NARS1: variants seen among roughly 807,000 people sequenced by gnomAD.
The protein encoded by NARS1 is asparagine--tRNA ligase, cytoplasmic.
In NARS1, 65 loss-of-function variants were observed where a neutral mutation model predicts 79.2. The ratio of observed to expected loss-of-function variants is 0.82; its 90% CI spans 0.67 to 1.01. NARS1 has a LOEUF of 1.01. Among genes scored for constraint, NARS1 ranks in the 50% least tolerant of loss-of-function variants. The pLI, the probability that NARS1 is intolerant of heterozygous loss-of-function variation, is 0.00. For synonymous variants in NARS1, 229 were observed against 238.8 expected, an observed-to-expected ratio of 0.96 and a Z score of 0.38; for missense variants, 649 against 673.8, an observed-to-expected ratio of 0.96 and a Z score of 0.41.
intron 4 of NARS1, among the ~76,000 whole-genome samples, chr18:57,614,096 G>A (rs2051627671): frequency 6.6e-6 from 1 of 152,150 alleles, no homozygotes; most frequent in African/African-American, 2.4e-5. Flanking sequence ...GCTTTTGTTT[G>A]GGGGATGAAG....
chr18:57,615,159 C>A (rs896867443), intron 4 of NARS1, among the ~76,000 whole-genome samples: 5 of 151,522 alleles, frequency 3.3e-5, no homozygotes, highest in Non-Finnish European at 2.9e-5. Context: ...CAGAGCAAGA[C>A]CCTGTCTCAA....
At position 57,606,690 on chromosome 18, in the gene NARS1, C is replaced by G. The variant is rs1452955156; in HGVS notation, c.1063G>C (p.Glu355Gln). The change falls in exon 10 of 14, where the codon GAG becomes CAG. Residue 355 changes from glutamate to glutamine, a missense_variant. By Grantham distance (29) the Glu-to-Gln change is conservative. Coordinates refer to ENST00000256854, the MANE Select transcript of NARS1 (RefSeq NM_004539.4). ...TCTACCACATCACAAACCAAGTCCT[C>G]CAACCGGTTCAGGAGGTCGTCAAAA... ...LTFDDLLNRL[E>Q]DLVCDVVDRI... 2 of 1,614,148 alleles carry G rather than the reference C, an allele frequency of 1.2e-6. No homozygotes were observed. The highest frequency in any genetic ancestry group is 2.7e-5 in the African/African-American group (2 of 75,034).
intron 11 of NARS1, among the ~76,000 whole-genome samples, chr18:57,603,547 AGAT>A (rs1328058986): frequency 1.3e-5 from 2 of 152,264 alleles, no homozygotes; most frequent in Non-Finnish European, 2.9e-5. Context: ...AAACAATGTT[AGAT>A]GATGACTTAA....
intron 7 of NARS1, among the ~76,000 whole-genome samples, chr18:57,608,253 A>G (rs1237944554): frequency 1.3e-5 from 2 of 151,954 alleles, no homozygotes; most frequent in East Asian, 2.0e-4. Context: ...AATCAAGACC[A>G]TCCTGGCCAA....
At chr18:57,618,616 AC>A (rs1180119276) in intron 2 of NARS1, among the ~76,000 whole-genome samples, 1 of 151,964 alleles carries the variant, frequency 6.6e-6, no homozygotes, top group South Asian at 2.1e-4. Context: ...AAAAAGTAAA[AC>A]CCAGCCAGGA....
intron 2 of NARS1, among the ~76,000 whole-genome samples, chr18:57,619,940 G>A (rs557867973): frequency 2.6e-5 from 4 of 151,984 alleles, no homozygotes; most frequent in South Asian, 2.1e-4. Flanking sequence ...CACCTGCCCC[G>A]GCCTCCCAAA....
Position 57,609,447 on chromosome 18 carries a change from T to C in NARS1, c.493-4A>G. ...GAACTCCATTGTAGCACTGACACTA[T>C]AAAAAGGTCAAAGCTCAAATTTAGT... On this transcript the variant is annotated splice_region_variant and splice_polypyrimidine_tract_variant and intron_variant, in intron 6 of 13. Coordinates refer to ENST00000256854, the MANE Select transcript of NARS1 (RefSeq NM_004539.4). 6.2e-7 allele frequency: 1 copy of C among 1,611,436 alleles called. No homozygotes were observed. The highest frequency in any genetic ancestry group is 8.5e-7 in the Non-Finnish European group (1 of 1,178,590).
intron 4 of NARS1, among the ~76,000 whole-genome samples, chr18:57,614,311 G>A (rs2051629338): frequency 6.6e-6 from 1 of 152,012 alleles, no homozygotes. Flanking sequence ...GACTAGTCTG[G>A]CCAACACGGT....
chr18:57,617,643 G>A (rs763532951), intron 2 of NARS1, among the ~76,000 whole-genome samples: 13 of 150,558 alleles, frequency 8.6e-5, no homozygotes, highest in Non-Finnish European at 1.5e-4. Context: ...AGGGCTGGGC[G>A]TGGTGGCTCA....
intron 2 of NARS1, among the ~76,000 whole-genome samples, chr18:57,616,948 C>CAAAAAAA (rs59363506): frequency 5.5e-5 from 4 of 72,802 alleles, no homozygotes; most frequent in African/African-American, 1.9e-4. Flanking sequence ...GACTCTGTCT[C>CAAAAAAA]AAAAAAAAAA....
chr18:57,611,489 T>C (rs2051604213), intron 6 of NARS1, 148 bp downstream of exon 6: 1 of 529,830 alleles, frequency 1.9e-6, no homozygotes, highest in African/African-American at 2.1e-5. Flanking sequence ...CAAATAAAAA[T>C]TGCATGTTTA....
chr18:57,605,817 C>T (rs1004508957), intron 11 of NARS1, 40 bp downstream of exon 11: 3 of 1,369,070 alleles, frequency 2.2e-6, no homozygotes, highest in Non-Finnish European at 3.1e-6. Flanking sequence ...AATTGGAGCC[C>T]AATCCCACCT....
chr18:57,620,624 C>T lies in NARS1; in HGVS notation c.38G>A (p.Gly13Glu), dbSNP rs1418449713. The T allele has an allele frequency of 6.2e-7, 1 of 1,613,844 alleles. No homozygotes were observed. Among genetic ancestry groups the T allele is most frequent in the Admixed American group, 1.7e-5 (1 of 59,946 alleles). Residue 13 changes from glycine (G) to glutamate (E), a missense_variant, in exon 2 of 14, where the codon GGA (glycine) becomes GAA (glutamate). Coordinates refer to ENST00000256854, the MANE Select transcript of NARS1 (RefSeq NM_004539.4). ...LAELYVSDREGSDATGDGTKE... is the reference protein window; with the variant it reads ...LAELYVSDREESDATGDGTKE... ...GGTTCCATCTCCCGTGGCATCGCTT[C>T]CCTCTCGGTCAGAGACGTACAGCTC...
chr18:57,601,853 A>T (rs1480532956), intron 13 of NARS1, 70 bp from the exon 14 acceptor site: 3 of 1,538,384 alleles, frequency 2.0e-6, no homozygotes, highest in Non-Finnish European at 2.7e-6. Context: ...AGACAGTTAA[A>T]ATTTTCCACC....
intron 5 of NARS1, among the ~76,000 whole-genome samples, chr18:57,612,366 CTTAT>C (rs1568165152): frequency 4.6e-5 from 7 of 152,148 alleles, no homozygotes; most frequent in Non-Finnish European, 1.5e-5. Flanking sequence ...ATCACTTTTT[CTTAT>C]TTATGTCCTA....
At position 57,615,813 on chromosome 18, in the gene NARS1, T is replaced by A; in HGVS notation, c.252+4A>T. The A allele has an allele frequency of 6.2e-7, 1 of 1,611,990 alleles. No homozygotes were observed. Among genetic ancestry groups the A allele is most frequent in the African/African-American group, 1.3e-5 (1 of 74,880 alleles). On this transcript the variant is annotated splice_donor_region_variant and intron_variant, in intron 3 of 13. Coordinates refer to ENST00000256854, the MANE Select transcript of NARS1 (RefSeq NM_004539.4). Reference sequence around the variant, plus strand: ...ACGTTCACGATGGCAAGGTCAGGACTCACCTCTTTCTTTTCCCGGGATTCA... The same window carrying A: ...ACGTTCACGATGGCAAGGTCAGGACACACCTCTTTCTTTTCCCGGGATTCA...
At chr18:57,616,511 C>T (rs1245943044) in intron 2 of NARS1, among the ~76,000 whole-genome samples, 1 of 151,890 alleles carries the variant, frequency 6.6e-6, no homozygotes, top group East Asian at 1.9e-4. Flanking sequence ...CGGGTATACA[C>T]GATACAGTTC....
At chr18:57,603,062 C>T in intron 11 of NARS1, 119 bp from the exon 12 acceptor site, 2 of 888,342 alleles carry the variant, frequency 2.3e-6, no homozygotes, top group Non-Finnish European at 3.5e-6. Flanking sequence ...AGGATACACA[C>T]CTACCCTTAA....
chr18:57,610,252 A>G (rs2051594060), intron 6 of NARS1, among the ~76,000 whole-genome samples: 1 of 152,146 alleles, frequency 6.6e-6, no homozygotes, highest in Non-Finnish European at 1.5e-5. Context: ...CGGGTGGATC[A>G]CCTGAGGTCA....
Sources: gnomAD v4.1 joint callset for allele counts (sites outside exome capture counted in the v4.1 genomes callset) on GRCh38, gnomAD v4.1.1 for gene constraint, MANE v1.5 for transcripts, NCBI Gene and HGNC (gene_info 2026-07-23, HGNC 2026-07-21) for gene names.